Variants in SEC22A observed in about 807,000 individuals in gnomAD.
SEC22A encodes the protein SEC22 homolog A, vesicle trafficking protein.
A neutral mutation model predicts 35.3 loss-of-function variants in SEC22A; 22 were observed. That is an observed-to-expected ratio of 0.62 (90% CI 0.45 to 0.89). The LOEUF is 0.89. SEC22A is among the 40% of genes least tolerant of loss of function. SEC22A has a pLI of 0.00. For missense variants in SEC22A, 354 were observed against 362.5 expected (o/e 0.98, Z 0.19); for synonymous variants, 119 against 129.5 (o/e 0.92, Z 0.55).
chr3:123,214,172 G>T (rs1324118322), intron 2 of SEC22A, among the ~76,000 whole-genome samples: 1 of 152,134 alleles, frequency 6.6e-6, no homozygotes, highest in Non-Finnish European at 1.5e-5. Context: ...TCCAGCCTGG[G>T]CAACAGAGTG....
intron 2 of SEC22A, among the ~76,000 whole-genome samples, chr3:123,221,507 G>A (rs1937123782): frequency 1.4e-5 from 2 of 145,748 alleles, no homozygotes; most frequent in South Asian, 2.2e-4. Context: ...TTACTGTGTA[G>A]TTTAGCAGAG....
intron 6 of SEC22A, 87 bp downstream of exon 6, chr3:123,259,676 T>C (rs1937833015): frequency 2.2e-6 from 2 of 908,626 alleles, no homozygotes; most frequent in African/African-American, 1.7e-5. Flanking sequence ...TTAAATAAAT[T>C]ATTAAAACTC....
At chr3:123,217,407 G>A (rs1230506154) in intron 2 of SEC22A, among the ~76,000 whole-genome samples, 1 of 151,276 alleles carries the variant, frequency 6.6e-6, no homozygotes, top group Non-Finnish European at 1.5e-5. Flanking sequence ...TGGAGATGGG[G>A]TTTCACCGTG....
intron 4 of SEC22A, among the ~76,000 whole-genome samples, chr3:123,241,869 A>C (rs541950010): frequency 6.6e-6 from 1 of 152,278 alleles, no homozygotes; most frequent in African/African-American, 2.4e-5. Flanking sequence ...CATTAAGTAA[A>C]ATAAGCCAGG....
chr3:123,258,102 A>G (rs1324843364), intron 5 of SEC22A, among the ~76,000 whole-genome samples: 2 of 152,136 alleles, frequency 1.3e-5, no homozygotes, highest in African/African-American at 2.4e-5. Flanking sequence ...ACAATAAATT[A>G]TGGTATATCC....
intron 1 of SEC22A, among the ~76,000 whole-genome samples, chr3:123,204,287 A>G (rs1454129932): frequency 6.6e-6 from 1 of 152,238 alleles, no homozygotes; most frequent in Non-Finnish European, 1.5e-5. Flanking sequence ...AAAGTAAGTC[A>G]ATTCAAAGAC....
chr3:123,243,712 A>G (rs1468037119), intron 4 of SEC22A: 1 of 152,228 alleles, frequency 6.6e-6, no homozygotes, highest in Non-Finnish European at 1.5e-5. Context: ...CTTACACAGA[A>G]CCATGCCAGA....
At chr3:123,231,304 G>A (rs941205437) in intron 4 of SEC22A, among the ~76,000 whole-genome samples, 1 of 152,122 alleles carries the variant, frequency 6.6e-6, no homozygotes, top group African/African-American at 2.4e-5. Flanking sequence ...ACCACCATAT[G>A]CCAGTGAGAC....
intron 4 of SEC22A, among the ~76,000 whole-genome samples, chr3:123,242,499 T>C (rs1937532820): frequency 9.8e-6 from 1 of 101,920 alleles, no homozygotes; most frequent in Non-Finnish European, 2.3e-5. Flanking sequence ...TTTTCCCCAT[T>C]TCTTTTTTTT....
chr3:123,245,833 G>A, intron 4 of SEC22A, 66 bp from the exon 5 acceptor site: 2 of 869,464 alleles, frequency 2.3e-6, no homozygotes, highest in South Asian at 1.5e-5. Context: ...GTGAATTTCT[G>A]TTTTACCTAA....
At chr3:123,261,752 C>T (rs1937898353) in intron 6 of SEC22A, among the ~76,000 whole-genome samples, 1 of 152,016 alleles carries the variant, frequency 6.6e-6, no homozygotes, top group South Asian at 2.1e-4. Context: ...GAGGATATAC[C>T]ATTATATCGT....
intron 5 of SEC22A, among the ~76,000 whole-genome samples, chr3:123,252,164 T>C (rs905138059): frequency 1.3e-5 from 2 of 152,216 alleles, no homozygotes; most frequent in Admixed American, 6.5e-5. Flanking sequence ...TGTTCACAAC[T>C]TGTATTGGAT....
intron 6 of SEC22A, among the ~76,000 whole-genome samples, chr3:123,269,179 ATGTGTGTGTGTG>A (rs200267944): frequency 2.0e-4 from 24 of 120,664 alleles, no homozygotes; most frequent in Non-Finnish European, 3.5e-4. Flanking sequence ...AATTAAATAT[ATGTGTGTGTGTG>A]TGTGTGTGTG....
chr3:123,237,745 G>A (rs1419317305), intron 4 of SEC22A, among the ~76,000 whole-genome samples: 1 of 152,154 alleles, frequency 6.6e-6, no homozygotes, highest in Non-Finnish European at 1.5e-5. Flanking sequence ...GAAACTCCAC[G>A]TATCACCTGA....
At chr3:123,235,913 A>G (rs1025777490) in intron 4 of SEC22A, among the ~76,000 whole-genome samples, 1 of 152,198 alleles carries the variant, frequency 6.6e-6, no homozygotes, top group Non-Finnish European at 1.5e-5. Flanking sequence ...GTGAACCTTA[A>G]AAACATTATG....
At chr3:123,238,178 C>T (rs1045303478) in intron 4 of SEC22A, among the ~76,000 whole-genome samples, 1 of 151,944 alleles carries the variant, frequency 6.6e-6, no homozygotes, top group African/African-American at 2.4e-5. Flanking sequence ...AAAAGTAACT[C>T]ACAACTAGAA....
At chr3:123,244,896 T>C (rs1015886020) in intron 4 of SEC22A, among the ~76,000 whole-genome samples, 1 of 152,218 alleles carries the variant, frequency 6.6e-6, no homozygotes, top group African/African-American at 2.4e-5. Flanking sequence ...CTGTTGTTAA[T>C]TCTATTAAGC....
chr3:123,236,235 C>T (rs1027417846), intron 4 of SEC22A, among the ~76,000 whole-genome samples: 6 of 151,988 alleles, frequency 3.9e-5, no homozygotes, highest in African/African-American at 9.7e-5. Flanking sequence ...CTAATAAGTT[C>T]GATTATTACT....
intron 6 of SEC22A, 108 bp from the exon 7 acceptor site, chr3:123,271,414 C>T: frequency 1.2e-6 from 1 of 812,162 alleles, no homozygotes; most frequent in Non-Finnish European, 2.0e-6. Context: ...AAAAAATAAC[C>T]TTATCCATTC....
Sources: gnomAD v4.1 joint callset for allele counts (sites outside exome capture counted in the v4.1 genomes callset) on GRCh38, gnomAD v4.1.1 for gene constraint, MANE v1.5 for transcripts, NCBI Gene and HGNC (gene_info 2026-07-23, HGNC 2026-07-21) for gene names.